Variants in ANKRD6 observed in about 807,000 individuals in gnomAD.
ANKRD6 encodes ankyrin repeat domain-containing protein 6.
ANKRD6 carries 56 observed loss-of-function variants against 82.3 expected under a neutral mutation model. The ratio of observed to expected loss-of-function variants is 0.68; its 90% CI spans 0.55 to 0.85. ANKRD6 has a LOEUF of 0.85. Among genes scored for constraint, ANKRD6 ranks in the 40% least tolerant of loss-of-function variants. The probability of loss-of-function intolerance (pLI) is 0.00; values close to 1 mark genes in which losing one functional copy is unlikely to be tolerated. For missense variants in ANKRD6, 852 were observed against 907.6 expected, an observed-to-expected ratio of 0.94 and a Z score of 0.79; for synonymous variants, 347 against 352.1, an observed-to-expected ratio of 0.99 and a Z score of 0.16.
Position 89,566,891 on chromosome 6 carries a change from T to C in ANKRD6, c.-86T>C. Reference sequence around the variant, plus strand: ...TCTGATGATTGTGAACATCTTTACCTCTGGGTGCCAGGCCGGGCCAGTGAC... The same window carrying C: ...TCTGATGATTGTGAACATCTTTACCCCTGGGTGCCAGGCCGGGCCAGTGAC... On this transcript the variant is annotated 5_prime_UTR_variant, in exon 2 of 16. Transcript: ENST00000339746. 6.6e-7 allele frequency: 1 copy of C among 1,507,844 alleles called. No individual in the cohort carries two copies. The highest frequency in any genetic ancestry group is 9.0e-7 in the Non-Finnish European group (1 of 1,114,116). The allele number at this position is 1,507,844 out of a possible 1,614,324, so 93.4% of individuals were successfully genotyped here.
At chr6:89,535,442 A>G (rs1783707612) in intron 1 of ANKRD6, among the ~76,000 whole-genome samples, 1 of 152,248 alleles carries the variant, frequency 6.6e-6, no homozygotes, top group South Asian at 2.1e-4. Context: ...AGTTTAAAAT[A>G]CAAGCACACA....
chr6:89,588,803 C>G (rs547687676), intron 2 of ANKRD6, among the ~76,000 whole-genome samples: 1 of 151,894 alleles, frequency 6.6e-6, no homozygotes, highest in Non-Finnish European at 1.5e-5. Flanking sequence ...GTCAGGAGTT[C>G]GAGACCAGCA....
intron 2 of ANKRD6, among the ~76,000 whole-genome samples, chr6:89,581,060 C>CACCT (rs1489917386): frequency 6.6e-6 from 1 of 152,198 alleles, no homozygotes; most frequent in Non-Finnish European, 1.5e-5. Flanking sequence ...TCCCTGAAGG[C>CACCT]ACCTGTCTTA....
intron 1 of ANKRD6, among the ~76,000 whole-genome samples, chr6:89,473,304 G>A (rs1012499072): frequency 1.3e-5 from 2 of 151,774 alleles, no homozygotes; most frequent in Non-Finnish European, 2.9e-5. Flanking sequence ...CCAGCTACTC[G>A]GGAGGCTGAG....
intron 2 of ANKRD6, among the ~76,000 whole-genome samples, chr6:89,572,679 C>T (rs771476356): frequency 8.6e-5 from 13 of 152,046 alleles, no homozygotes; most frequent in South Asian, 2.1e-4. Flanking sequence ...TATTCCATTT[C>T]GAGTTAATTT....
chr6:89,526,127 G>A (rs997743721), intron 1 of ANKRD6, among the ~76,000 whole-genome samples: 2 of 152,174 alleles, frequency 1.3e-5, no homozygotes, highest in African/African-American at 2.4e-5. Flanking sequence ...CGTCTTAGTC[G>A]ATAAAGGGAC....
intron 1 of ANKRD6, among the ~76,000 whole-genome samples, chr6:89,537,278 C>G (rs776611398): frequency 1.1e-4 from 16 of 152,070 alleles, no homozygotes; most frequent in Non-Finnish European, 2.1e-4. Context: ...TGAGGCTGAC[C>G]TAGCAAGGAA....
Position 89,612,310 on chromosome 6 carries a change from C to CT in ANKRD6, c.456_457insT (p.His153SerfsTer16). Reference sequence around the variant, plus strand: ...CTCTGCACCTGGCCTGCCAGAACAGCCACTCCCAGAGCACGCGCGTCCTCC... The same window carrying CT: ...CTCTGCACCTGGCCTGCCAGAACAGCTCACTCCCAGAGCACGCGCGTCCTCC... On this transcript the variant is annotated frameshift_variant, in exon 6 of 16. Transcript: ENST00000339746. LOFTEE classifies it high-confidence loss of function. The CT allele has an allele frequency of 1.3e-6, 2 of 1,565,852 alleles. No homozygotes were observed. The highest frequency in any genetic ancestry group is 1.7e-6 in the Non-Finnish European group (2 of 1,154,672).
chr6:89,520,985 C>A lies in ANKRD6; in HGVS notation c.-143-45849C>A, dbSNP rs567544379. ...CCTGGGTGACAGAGCAAGACCATGTCTAAAAAAGAAAAATAGTCTGTCCTC... is the reference window on the plus strand; with the variant it reads ...CCTGGGTGACAGAGCAAGACCATGTATAAAAAAGAAAAATAGTCTGTCCTC... On this transcript the variant is annotated intron_variant, in intron 1 of 15. Transcript: ENST00000339746. Among the ~76,000 whole-genome samples, 3 of 151,942 alleles carry A rather than the reference C, an allele frequency of 2.0e-5. No individual in the cohort carries two copies. In the South Asian group the frequency reaches 6.2e-4, roughly 32 times the overall value.
intron 13 of ANKRD6, among the ~76,000 whole-genome samples, chr6:89,625,716 G>A (rs191313534): frequency 9.4e-5 from 14 of 149,464 alleles, no homozygotes; most frequent in African/African-American, 1.7e-4. Context: ...CTCGGTTTTC[G>A]TAAAATAGTA....
intron 1 of ANKRD6, among the ~76,000 whole-genome samples, chr6:89,514,957 T>C (rs1340177674): frequency 1.3e-5 from 2 of 152,228 alleles, no homozygotes; most frequent in East Asian, 1.9e-4. Flanking sequence ...TGAGCACCTT[T>C]CCATATGCTT....
intron 8 of ANKRD6, among the ~76,000 whole-genome samples, 175 bp from the exon 9 acceptor site, chr6:89,617,779 G>C (rs756775140): frequency 4.6e-5 from 7 of 152,238 alleles, no homozygotes; most frequent in African/African-American, 9.7e-5. Flanking sequence ...CCTCACTGGA[G>C]GGTCTGAGGC....
chr6:89,595,981 G>A lies in ANKRD6; in HGVS notation c.186G>A (p.Leu62=). The A allele has an allele frequency of 1.9e-6, 3 of 1,610,798 alleles. No individual in the cohort carries two copies. Among genetic ancestry groups the A allele is most frequent in the Non-Finnish European group, 1.7e-6 (2 of 1,178,646 alleles). The change falls in exon 3 of 16, where the codon CTG becomes CTA. Residue 62 remains leucine (L), a synonymous_variant. Coordinates refer to ENST00000339746, the MANE Select transcript of ANKRD6 (RefSeq NM_001242809.2). ...KGHLPVVQIL[L]KAGCDLDVQD... ...ATCTTCCTGTGGTCCAGATCTTGCT[G>A]AAGGCTGGCTGCGACCTTGATGTCC... is the stretch of plus-strand genomic sequence containing the variant.
intron 2 of ANKRD6, among the ~76,000 whole-genome samples, chr6:89,578,944 C>G (rs184020576): frequency 6.6e-6 from 1 of 152,288 alleles, no homozygotes; most frequent in East Asian, 1.9e-4. Context: ...TAGTCCTTGC[C>G]CTTCCACCAC....
intron 1 of ANKRD6, among the ~76,000 whole-genome samples, chr6:89,497,148 A>G (rs558434110): frequency 6.6e-6 from 1 of 152,364 alleles, no homozygotes; most frequent in East Asian, 1.9e-4. Context: ...GATTCTCCCA[A>G]AAGTTTAAAA....
chr6:89,465,494 G>A (rs1774741124), intron 1 of ANKRD6, among the ~76,000 whole-genome samples: 1 of 152,006 alleles, frequency 6.6e-6, no homozygotes, highest in Admixed American at 6.6e-5. Context: ...GTCAACTTTG[G>A]ATGAATCTGG....
chr6:89,632,856 A>G lies in ANKRD6; in HGVS notation c.*1852A>G, dbSNP rs971121141. The G allele has an allele frequency of 6.6e-6, 1 of 152,222 alleles. No homozygotes were observed. The highest frequency in any genetic ancestry group is 2.4e-5 in the African/African-American group (1 of 41,456). 9.4% of individuals were successfully genotyped at this position (152,222 alleles called of 1,614,324 possible). On this transcript the variant is annotated 3_prime_UTR_variant, in exon 16 of 16. Transcript: ENST00000339746. ...AACCTCTTTAGAATCATTCCTCAGT[A>G]TACATCAATTTATTGAGAACTGCCT...
At chr6:89,443,527 T>G (rs1582612858) in intron 1 of ANKRD6, among the ~76,000 whole-genome samples, 1 of 152,068 alleles carries the variant, frequency 6.6e-6, no homozygotes, top group East Asian at 1.9e-4. Flanking sequence ...AATGCAGAGG[T>G]GTGATCATGG....
At chr6:89,533,252 G>A (rs886275668) in intron 1 of ANKRD6, among the ~76,000 whole-genome samples, 3 of 152,136 alleles carry the variant, frequency 2.0e-5, no homozygotes, top group South Asian at 2.1e-4. Flanking sequence ...CTTGACATAC[G>A]TAAATACTAA....
Sources: gnomAD v4.1 joint callset for allele counts (sites outside exome capture counted in the v4.1 genomes callset) on GRCh38, gnomAD v4.1.1 for gene constraint, MANE v1.5 for transcripts, NCBI Gene and HGNC (gene_info 2026-07-23, HGNC 2026-07-21) for gene names.